Variants in CCDC88C observed in about 807,000 individuals in gnomAD.
The protein encoded by CCDC88C is coiled-coil and HOOK domain protein 88C, also known as protein Daple.
Under a neutral mutation model 198.8 loss-of-function variants are expected in CCDC88C, and 131 were observed. The ratio of observed to expected loss-of-function variants is 0.66; its 90% CI spans 0.57 to 0.76. The LOEUF is 0.76. Among genes scored for constraint, CCDC88C ranks in the 30% least tolerant of loss-of-function variants. The pLI is 0.00. For synonymous variants in CCDC88C, 1,166 were observed against 1,114.7 expected, an observed-to-expected ratio of 1.05 and a Z score of -0.92; for missense variants, 2,553 against 2,631.6, an observed-to-expected ratio of 0.97 and a Z score of 0.65.
chr14:91,366,772 A>C (rs1003330161), intron 3 of CCDC88C, among the ~76,000 whole-genome samples: 4 of 152,204 alleles, frequency 2.6e-5, no homozygotes, highest in African/African-American at 9.7e-5. Flanking sequence ...TCCTGGGCGA[A>C]AGGCTGACTC....
Position 91,408,726 on chromosome 14 carries a change from T to C in CCDC88C, c.203A>G (p.Asn68Ser), listed in dbSNP as rs1335131020. ...PTNQRINKHV[N>S]NDVNLRIQNL... Reference sequence around the variant, plus strand: ...CTGAATGCGAAGGTTCACATCATTGTTGACGTGCTTATTGATGCGTTGATT... The same window carrying C: ...CTGAATGCGAAGGTTCACATCATTGCTGACGTGCTTATTGATGCGTTGATT... Residue 68 changes from asparagine to serine, a missense_variant, in exon 3 of 30, where the codon AAC becomes AGC. Transcript: ENST00000389857. 5.0e-6 allele frequency: 8 copies of C among 1,613,948 alleles called. No individual in the cohort carries two copies. Among genetic ancestry groups the C allele is most frequent in the Non-Finnish European group, 5.9e-6 (7 of 1,179,816 alleles).
chr14:91,326,075 C>A lies in CCDC88C; in HGVS notation c.1051-19G>T, dbSNP rs145930193. The A allele has an allele frequency of 1.9e-6, 3 of 1,603,462 alleles. No individual in the cohort carries two copies. The highest frequency in any genetic ancestry group is 1.7e-6 in the Non-Finnish European group (2 of 1,175,054). On this transcript the variant is annotated intron_variant, in intron 10 of 29. Coordinates refer to ENST00000389857, the MANE Select transcript of CCDC88C (RefSeq NM_001080414.4). ...TCAGCTCCTGGTTAGCAAAAACATA[C>A]ATGAGAACCATCAGATAAAGGCACC... is the stretch of plus-strand genomic sequence containing the variant.
In CCDC88C at chr14:91,325,937, C is replaced by T. The variant is rs966483802; in HGVS notation, c.1170G>A (p.Leu390=). ...VHELEKENLQ[L]KSKLHDLELD... is the part of the protein sequence containing the mutation. ...ATTCCAGGTCGTGAAGCTTGGATTT[C>T]AGCTGCAGGTTCTCCTTTTCCAGCT... Residue 390 remains leucine (L), a synonymous_variant, in exon 11 of 30, where the codon CTG becomes CTA. Transcript: ENST00000389857. This position sits in a 1 kb window ranked among gnomAD's most constrained non-coding sequence, Gnocchi z 4.1. 2 of 1,554,694 alleles carry T rather than the reference C, an allele frequency of 1.3e-6. No homozygotes were observed.
intron 12 of CCDC88C, among the ~76,000 whole-genome samples, chr14:91,321,763 A>G (rs1041329164): frequency 5.3e-5 from 8 of 152,328 alleles, no homozygotes; most frequent in African/African-American, 1.9e-4. Flanking sequence ...GTAGAAAGCT[A>G]CACTGGAACA....
chr14:91,359,844 A>G, intron 3 of CCDC88C, 133 bp from the exon 4 acceptor site: 1 of 755,748 alleles, frequency 1.3e-6, no homozygotes, highest in Non-Finnish European at 2.3e-6. Context: ...AGGAGCTAAA[A>G]TGACAGCAAG....
At chr14:91,293,998 G>A (rs1489208334) in intron 23 of CCDC88C, among the ~76,000 whole-genome samples, 175 bp downstream of exon 23, 1 of 152,220 alleles carries the variant, frequency 6.6e-6, no homozygotes, top group Non-Finnish European at 1.5e-5. Context: ...TCTAGAAACT[G>A]AGAACATTCC....
chr14:91,345,188 ATATTTTTT>A (rs1189947640), intron 4 of CCDC88C, among the ~76,000 whole-genome samples: 3 of 64,088 alleles, frequency 4.7e-5, no homozygotes, highest in Non-Finnish European at 9.0e-5. Flanking sequence ...ATATATATAT[ATATTTTTT>A]TTTTTTTTTT....
chr14:91,349,338 A>T (rs548242464), intron 4 of CCDC88C, among the ~76,000 whole-genome samples: 2 of 152,368 alleles, frequency 1.3e-5, no homozygotes, highest in Admixed American at 1.3e-4. Context: ...AGACAGACTT[A>T]TCGGGTAGGC....
intron 2 of CCDC88C, among the ~76,000 whole-genome samples, chr14:91,411,284 C>T (rs184482393): frequency 3.3e-5 from 5 of 152,266 alleles, no homozygotes; most frequent in Admixed American, 3.3e-4. Context: ...TGGGTTCTAG[C>T]CCAGGTCCCA....
chr14:91,345,190 A>ATATATATATATATATTTTTT (rs1246878587), intron 4 of CCDC88C, among the ~76,000 whole-genome samples: 2 of 52,204 alleles, frequency 3.8e-5, no homozygotes, highest in African/African-American at 1.6e-4. Context: ...ATATATATAT[A>ATATATATATATATATTTTTT]TTTTTTTTTT....
chr14:91,410,922 G>A (rs934317806), intron 2 of CCDC88C, among the ~76,000 whole-genome samples: 1 of 152,132 alleles, frequency 6.6e-6, no homozygotes, highest in Non-Finnish European at 1.5e-5. Context: ...TCTCCAGCAC[G>A]TGCAAAGGCA....
At chr14:91,353,737 G>A (rs772262529) in intron 4 of CCDC88C, among the ~76,000 whole-genome samples, 4 of 152,170 alleles carry the variant, frequency 2.6e-5, no homozygotes, top group East Asian at 1.9e-4. Context: ...GCTGGAATGC[G>A]CACCCTCTGT....
At chr14:91,296,295 C>T (rs1171071159) in intron 22 of CCDC88C, among the ~76,000 whole-genome samples, 3 of 152,246 alleles carry the variant, frequency 2.0e-5, no homozygotes, top group African/African-American at 2.4e-5. Flanking sequence ...AAAAGTACCC[C>T]TGTCCATTTC....
intron 4 of CCDC88C, among the ~76,000 whole-genome samples, chr14:91,347,280 C>T (rs143636901): frequency 1.2e-3 from 176 of 152,320 alleles, no homozygotes; most frequent in African/African-American, 3.3e-3. Flanking sequence ...AAACTAATTA[C>T]ATCACACTGT....
intron 15 of CCDC88C, among the ~76,000 whole-genome samples, chr14:91,312,454 G>C (rs376278558): frequency 6.6e-6 from 1 of 151,608 alleles, no homozygotes; most frequent in African/African-American, 2.4e-5. Context: ...AGGCCGAGGC[G>C]GGTGGGTCAC....
intron 3 of CCDC88C, among the ~76,000 whole-genome samples, chr14:91,393,453 C>T (rs536608688): frequency 3.9e-5 from 6 of 152,186 alleles, no homozygotes; most frequent in South Asian, 2.1e-4. Flanking sequence ...CAGACAGAAG[C>T]GCCCTCCCAG....
chr14:91,305,530 A>T (rs1296064453), intron 19 of CCDC88C, among the ~76,000 whole-genome samples: 1 of 152,190 alleles, frequency 6.6e-6, no homozygotes, highest in East Asian at 1.9e-4. Flanking sequence ...AAAGGAGAGA[A>T]ATGAAATGAA....
intron 4 of CCDC88C, among the ~76,000 whole-genome samples, chr14:91,358,867 C>T (rs1045583784): frequency 2.0e-5 from 3 of 152,078 alleles, no homozygotes; most frequent in Non-Finnish European, 2.9e-5. Context: ...GCGTGCCTGC[C>T]AGGAGAGCTG....
chr14:91,399,141 G>GGGCA (rs1886022739), intron 3 of CCDC88C, among the ~76,000 whole-genome samples: 1 of 152,178 alleles, frequency 6.6e-6, no homozygotes, highest in Non-Finnish European at 1.5e-5. Flanking sequence ...CCTTGGCCAT[G>GGGCA]GGCAGTTCTC....
Sources: gnomAD v4.1 joint callset for allele counts (sites outside exome capture counted in the v4.1 genomes callset) on GRCh38, gnomAD v4.1.1 for gene constraint, Gnocchi (gnomAD v3.1) non-coding constraint, MANE v1.5 for transcripts, NCBI Gene and HGNC (gene_info 2026-07-23, HGNC 2026-07-21) for gene names.